Variants in ZNF687 observed in about 807,000 individuals in gnomAD.
The protein encoded by ZNF687 is zinc finger protein 687.
A neutral mutation model predicts 71.8 loss-of-function variants in ZNF687; 13 were observed. The ratio of observed to expected loss-of-function variants is 0.18; its 90% CI spans 0.12 to 0.29. The LOEUF (loss-of-function observed/expected upper bound fraction) is 0.29, where lower values mean the gene tolerates loss of function less well. Among genes scored for constraint, ZNF687 ranks in the 10% least tolerant of loss-of-function variants. ZNF687 has a pLI of 1.00. For synonymous variants in ZNF687, 673 were observed against 641.6 expected (o/e 1.05, Z -0.74); for missense variants, 1,412 against 1,625.6 (o/e 0.87, Z 2.26).
In ZNF687 at chr1:151,290,894, T is replaced by C. The variant is rs769582782; in HGVS notation, c.3399T>C (p.Gly1133=). ...SLMMGLRVED[G]AQQCLDCGLC... ...TGATGGGGTTGAGGGTGGAGGATGG[T>C]GCCCAGCAGTGCCTCGACTGTGGCT... is the stretch of plus-strand genomic sequence containing the variant. The change falls in exon 9 of 9, where the codon GGT becomes GGC. Residue 1133 remains glycine (G), a synonymous_variant. Transcript: ENST00000336715. 3.8e-5 allele frequency: 62 copies of C among 1,613,904 alleles called. No individual in the cohort carries two copies. In the South Asian group the frequency reaches 5.5e-4, roughly 14 times the overall value.
At position 151,289,547 on chromosome 1, in the gene ZNF687, G is replaced by A. The variant is rs587696054; in HGVS notation, c.2634+7G>A. On this transcript the variant is annotated splice_region_variant and intron_variant, in intron 5 of 8. Coordinates refer to ENST00000336715, the MANE Select transcript of ZNF687 (RefSeq NM_020832.3). ...CATGCTGGAACATCTCAAGGTACAG[G>A]AGCAGAGGGATGGGGAATGGGTGCT... 1 of 1,614,088 alleles carries A rather than the reference G, an allele frequency of 6.2e-7. No individual in the cohort carries two copies. Among genetic ancestry groups the A allele is most frequent in the South Asian group, 1.1e-5 (1 of 91,090 alleles).
At chr1:151,283,622 C>T (rs1376325546) in intron 1 of ZNF687, among the ~76,000 whole-genome samples, 3 of 152,148 alleles carry the variant, frequency 2.0e-5, no homozygotes, top group Non-Finnish European at 4.4e-5. Flanking sequence ...CCCCGCTGGT[C>T]TTCGTTGTAG....
chr1:151,291,380 C>A lies in ZNF687; in HGVS notation c.*171C>A. The A allele has an allele frequency of 1.0e-6, 1 of 953,170 alleles. No individual in the cohort carries two copies. The highest frequency in any genetic ancestry group is 1.5e-6 in the Non-Finnish European group (1 of 663,906). The allele number at this position is 953,170 out of a possible 1,614,324, so 59.0% of individuals were successfully genotyped here. ...GGATTATTCTAGTTATTTGCAACCT[C>A]CCTTTGGGTTTGGCCCTGGAGTCCT... On this transcript the variant is annotated 3_prime_UTR_variant, in exon 9 of 9. Transcript: ENST00000336715.
chr1:151,289,582 T>G (rs1274533204), intron 5 of ZNF687, 42 bp downstream of exon 5: 1 of 1,612,968 alleles, frequency 6.2e-7, no homozygotes, highest in Admixed American at 1.7e-5. Flanking sequence ...TTAGCTGTAC[T>G]GACCTGGGGC....
rs760248301 is a variant in ZNF687 at position 151,287,993 on chromosome 1, C to T, written c.1702C>T (p.Arg568Cys). The T allele has an allele frequency of 1.2e-5, 19 of 1,613,910 alleles. No homozygotes were observed. Among genetic ancestry groups the T allele is most frequent in the Admixed American group, 1.7e-5 (1 of 60,010 alleles). The change falls in exon 2 of 9, where the codon CGC becomes TGC. Residue 568 changes from arginine (R) to cysteine (C), a missense_variant. Arg to Cys is a radical substitution (Grantham distance 180). Coordinates refer to ENST00000336715, the MANE Select transcript of ZNF687 (RefSeq NM_020832.3). This position sits in a 1 kb window ranked among gnomAD's most constrained non-coding sequence, Gnocchi z 5.0. ...RIEVTCNHCA[R>C]RLVFFNKCSL... ...CGAGGTCACCTGCAACCACTGCGCCCGCCGCCTGGTCTTCTTCAACAAGTG... is the reference window on the plus strand; with the variant it reads ...CGAGGTCACCTGCAACCACTGCGCCTGCCGCCTGGTCTTCTTCAACAAGTG...
In ZNF687 at chr1:151,286,709, T is replaced by C. The variant is rs1345350726; in HGVS notation, c.418T>C (p.Ser140Pro). 2 of 1,613,932 alleles carry C rather than the reference T, an allele frequency of 1.2e-6. No individual in the cohort carries two copies. Among genetic ancestry groups the C allele is most frequent in the Non-Finnish European group, 1.7e-6 (2 of 1,180,010 alleles). ...PEPSLPGTPH[S>P]PAPPSGGTWK... Reference sequence around the variant, plus strand: ...ACCTTCCCTCCCAGGAACTCCCCACTCTCCTGCTCCTCCCAGTGGGGGCAC... The same window carrying C: ...ACCTTCCCTCCCAGGAACTCCCCACCCTCCTGCTCCTCCCAGTGGGGGCAC... Residue 140 changes from serine to proline, a missense_variant, in exon 2 of 9, where the codon TCT becomes CCT. Coordinates refer to ENST00000336715, the MANE Select transcript of ZNF687 (RefSeq NM_020832.3).
At chr1:151,288,910 G>C (rs1026183982) in intron 3 of ZNF687, among the ~76,000 whole-genome samples, 185 bp from the exon 4 acceptor site, 5 of 152,218 alleles carry the variant, frequency 3.3e-5, no homozygotes, top group African/African-American at 4.8e-5. Flanking sequence ...TGGAGCTCCA[G>C]CTCTCCCTTG....
rs199591007 is a variant in ZNF687 at position 151,290,938 on chromosome 1, G to C, written c.3443G>C (p.Gly1148Ala). The stretch of plus-strand genomic sequence containing the variant: ...TGTGGCTTGTGCTTTGCCTCCCCTG[G>C]CTCCCTGAGCCGACACCGTTTCATC... ...LDCGLCFASP[G>A]SLSRHRFISH... The change falls in exon 9 of 9, where the codon GGC (glycine) becomes GCC (alanine). Residue 1148 changes from glycine (G) to alanine (A), a missense_variant. Gly to Ala is a moderately conservative substitution (Grantham distance 60). Around this residue, in one of 8 missense-constraint regions of ZNF687, gnomAD observed 284 missense variants for 359.2 expected, o/e 0.79. Transcript: ENST00000336715. 6.2e-7 allele frequency: 1 copy of C among 1,613,800 alleles called. No individual in the cohort carries two copies. The highest frequency in any genetic ancestry group is 2.2e-5 in the East Asian group (1 of 44,884).
Position 151,288,418 on chromosome 1 carries a change from T to A in ZNF687, c.2115+12T>A. The A allele has an allele frequency of 6.3e-7, 1 of 1,599,274 alleles. No homozygotes were observed. The highest frequency in any genetic ancestry group is 1.1e-5 in the South Asian group (1 of 89,768). ...GGGCCACCAGCAATGTGAGTCACCT[T>A]TCACAGCCCTTCTGTGGGGACAGGA... On this transcript the variant is annotated intron_variant, in intron 2 of 8. Coordinates refer to ENST00000336715, the MANE Select transcript of ZNF687 (RefSeq NM_020832.3).
In ZNF687 at chr1:151,288,517, C is replaced by A; in HGVS notation, c.2116-11C>A. The A allele has an allele frequency of 6.3e-7, 1 of 1,592,960 alleles. No homozygotes were observed. The highest frequency in any genetic ancestry group is 8.6e-7 in the Non-Finnish European group (1 of 1,166,506). ...TCCTCACCGACTTTCCTTGTTTAAC[C>A]CACTCGACAGGTGTGCCCAACCTGC... On this transcript the variant is annotated splice_polypyrimidine_tract_variant and intron_variant, in intron 2 of 8. Transcript: ENST00000336715.
upstream of ZNF687, chr1:151,282,050 G>T: frequency 7.8e-7 from 1 of 1,283,750 alleles, no homozygotes; most frequent in Non-Finnish European, 1.0e-6. Flanking sequence ...AGATGGGGCA[G>T]ACGGACCCCG....
rs765062151 is a variant in ZNF687, at chr1:151,286,588, T to G, written c.297T>G (p.Ala99=). ...TVCPEQSEAL[A]GGSAGDGAQA... ...GTCCCGAGCAGTCTGAGGCCCTGGC[T>G]GGAGGCTCAGCAGGAGACGGGGCCC... Residue 99 remains alanine, a synonymous_variant, in exon 2 of 9, where the codon GCT becomes GCG. Transcript: ENST00000336715. 9 of 1,614,092 alleles carry G rather than the reference T, an allele frequency of 5.6e-6. No homozygotes were observed. Among genetic ancestry groups the G allele is most frequent in the Non-Finnish European group, 6.8e-6 (8 of 1,180,034 alleles).
rs1693965101 is a variant in ZNF687, at chr1:151,286,769, T to A, written c.478T>A (p.Leu160Met). The A allele has an allele frequency of 6.2e-7, 1 of 1,614,092 alleles. No individual in the cohort carries two copies. Among genetic ancestry groups the A allele is most frequent in the Non-Finnish European group, 8.5e-7 (1 of 1,180,040 alleles). Residue 160 changes from leucine to methionine, a missense_variant, in exon 2 of 9, where the codon TTG becomes ATG. Leu to Met is a conservative substitution (Grantham distance 15). Transcript: ENST00000336715. Reference sequence around the variant, plus strand: ...AAAAGGCATGGAAGGCAAAACTCCCTTGGACCTGTTTGCTCATTTTGGCCC... The same window carrying A: ...AAAAGGCATGGAAGGCAAAACTCCCATGGACCTGTTTGCTCATTTTGGCCC... ...KEKGMEGKTP[L>M]DLFAHFGPEP...
Position 151,287,612 on chromosome 1 carries a change from G to A in ZNF687, c.1321G>A (p.Val441Met), listed in dbSNP as rs753714816. 21 of 1,613,300 alleles carry A rather than the reference G, an allele frequency of 1.3e-5. No individual in the cohort carries two copies. The Admixed American group carries it at 2.3e-4, about 18-fold the overall frequency. Residue 441 changes from valine to methionine, a missense_variant, in exon 2 of 9, where the codon GTG (valine) becomes ATG (methionine). This residue lies in a region of ZNF687 where 133 missense variants were observed against 155.1 expected (regional missense o/e 0.86). Transcript: ENST00000336715. The surrounding 1 kb of genome is among the most constrained non-coding windows in gnomAD (Gnocchi z 5.0). ...CAGCCCTAAGATGATTGCTAAGAAC[G>A]TGCTAGGCCTGGTGCCCCAAGCCCT... ...ATSPKMIAKN[V>M]LGLVPQALPK...
rs778504513 is a variant in ZNF687 at position 151,290,532 on chromosome 1, C to T, written c.3178C>T (p.Arg1060Trp). ...GLQLGAQSPG[R>W]GTTLARGSSA... is the part of the protein sequence containing the mutation. The stretch of plus-strand genomic sequence containing the variant: ...GCAGCTTGGGGCCCAGTCCCCTGGC[C>T]GGGGGACCACCTTGGCTCGGGGTTC... The change falls in exon 8 of 9, where the codon CGG becomes TGG. Residue 1060 changes from arginine (R) to tryptophan (W), a missense_variant. Physicochemically the swap from Arg to Trp is moderately radical, Grantham distance 101. Around this residue, in one of 8 missense-constraint regions of ZNF687, gnomAD observed 284 missense variants for 359.2 expected, o/e 0.79. Transcript: ENST00000336715. The T allele has an allele frequency of 3.5e-5, 57 of 1,613,700 alleles. No individual in the cohort carries two copies. Among genetic ancestry groups the T allele is most frequent in the Non-Finnish European group, 4.2e-5 (50 of 1,179,946 alleles).
At chr1:151,284,718 G>A (rs1693868331) in intron 1 of ZNF687, among the ~76,000 whole-genome samples, 1 of 151,526 alleles carries the variant, frequency 6.6e-6, no homozygotes, top group South Asian at 2.1e-4. Flanking sequence ...TATTCTTGGT[G>A]GGATTCTTAC....
Position 151,287,966 on chromosome 1 carries a change from A to T in ZNF687, c.1675A>T (p.Ile559Phe). 3 of 1,613,824 alleles carry T rather than the reference A, an allele frequency of 1.9e-6. No individual in the cohort carries two copies. The highest frequency in any genetic ancestry group is 1.7e-6 in the Non-Finnish European group (2 of 1,180,012). The change falls in exon 2 of 9, where the codon ATC (isoleucine) becomes TTC (phenylalanine). Residue 559 changes from isoleucine to phenylalanine, a missense_variant. By Grantham distance (21) the Ile-to-Phe change is conservative (BLOSUM62 0). Transcript: ENST00000336715. The surrounding 1 kb of genome is among the most constrained non-coding windows in gnomAD (Gnocchi z 5.0). ...ARHYDRRSMRIEVTCNHCARR... is the reference protein window; with the variant it reads ...ARHYDRRSMRFEVTCNHCARR... Reference sequence around the variant, plus strand: ...GCACTATGACCGTCGGAGCATGCGCATCGAGGTCACCTGCAACCACTGCGC... The same window carrying T: ...GCACTATGACCGTCGGAGCATGCGCTTCGAGGTCACCTGCAACCACTGCGC...
chr1:151,286,097 G>C (rs2101867992), intron 1 of ZNF687, 178 bp from the exon 2 acceptor site: 1 of 482,224 alleles, frequency 2.1e-6, no homozygotes, highest in Non-Finnish European at 3.6e-6. Context: ...ATCCTCTTCT[G>C]ATTTTAAGGT....
chr1:151,283,054 A>T, intron 1 of ZNF687: 1 of 961,854 alleles, frequency 1.0e-6, no homozygotes, highest in South Asian at 4.8e-5. Flanking sequence ...GCTGCGCAGC[A>T]GCTCCCAAAG....
Sources: allele counts gnomAD v4.1 joint callset (sites outside exome capture counted in the v4.1 genomes callset), GRCh38; gene constraint gnomAD v4.1.1; regional missense constraint gnomAD v4.1.1; non-coding constraint Gnocchi (gnomAD v3.1); transcripts MANE v1.5; gene names NCBI Gene and HGNC (gene_info 2026-07-23, HGNC 2026-07-21).